XPO4: variants seen among roughly 807,000 people sequenced by gnomAD.
XPO4 encodes the protein exportin 4.
In XPO4, 39 loss-of-function variants were observed where a neutral mutation model predicts 143.0. The ratio of observed to expected loss-of-function variants is 0.27; its 90% confidence interval spans 0.21 to 0.36. The LOEUF (loss-of-function observed/expected upper bound fraction) is 0.36. Ranked by LOEUF, XPO4 falls within the 10% of genes least tolerant of loss-of-function variation. The probability of loss-of-function intolerance (pLI) is 1.00; values close to 1 mark genes in which losing one functional copy is unlikely to be tolerated. For synonymous variants in XPO4, 439 were observed against 474.0 expected (o/e 0.93, Z 0.96); for missense variants, 907 against 1,348.0 (o/e 0.67, Z 5.12).
At chr13:20,809,058 T>C in intron 11 of XPO4, 25 bp downstream of exon 11, 1 of 1,603,808 alleles carries the variant, frequency 6.2e-7, no homozygotes, top group Non-Finnish European at 8.5e-7. Flanking sequence ...ATTTGCTCCA[T>C]GGGGTTTCTT....
chr13:20,788,763 A>C, intron 19 of XPO4, 147 bp from the exon 20 acceptor site: 1 of 772,676 alleles, frequency 1.3e-6, no homozygotes, highest in Non-Finnish European at 1.9e-6. Flanking sequence ...TGAAGACCAA[A>C]TTAAATGTAA....
chr13:20,779,474 A>C lies in XPO4; in HGVS notation c.*4248T>G, dbSNP rs529605314. On this transcript the variant is annotated 3_prime_UTR_variant, in exon 23 of 23. Coordinates refer to ENST00000255305, the MANE Select transcript of XPO4 (RefSeq NM_022459.5). The stretch of plus-strand genomic sequence containing the variant: ...GGCCTAAGAATGCAGACGGGGAGAA[A>C]AAAAACCAAAACCAAAAAAAAAGAC... 1.6e-4 allele frequency: 25 copies of C among 152,396 alleles called. No individual in the cohort carries two copies. The highest frequency in any genetic ancestry group is 5.3e-4 in the African/African-American group (22 of 41,296). The allele number at this position is 152,396 out of a possible 1,614,324, so 9.4% of individuals were successfully genotyped here.
intron 1 of XPO4, among the ~76,000 whole-genome samples, chr13:20,891,996 C>G (rs1025672596): frequency 1.1e-4 from 16 of 151,634 alleles, no homozygotes; most frequent in Admixed American, 4.6e-4. Context: ...AGTCGAACAT[C>G]AAAACCACAA....
intron 13 of XPO4, among the ~76,000 whole-genome samples, chr13:20,806,539 CTTTTTTTTTTTTTTTTTTTTTTT>C (rs3056347): frequency 6.5e-5 from 4 of 61,596 alleles, no homozygotes; most frequent in African/African-American, 2.7e-4. Flanking sequence ...TTTCAGGACC[CTTTTTTTTTTTTTTTTTTTTTTT>C]TTTTTTTTTG....
chr13:20,777,902 A>C lies in XPO4; in HGVS notation c.*5820T>G, dbSNP rs751674115. ...GGGGTGCTGTATGGAATTTCCCAGC[A>C]AAAGATTCTTTCATTAGTTTCACCA... On this transcript the variant is annotated 3_prime_UTR_variant, in exon 23 of 23. Coordinates refer to ENST00000255305, the MANE Select transcript of XPO4 (RefSeq NM_022459.5). The C allele has an allele frequency of 3.3e-5, 5 of 152,220 alleles. No individual in the cohort carries two copies. Among genetic ancestry groups the C allele is most frequent in the Non-Finnish European group, 7.3e-5 (5 of 68,030 alleles). The allele number at this position is 152,220 out of a possible 1,614,324, so 9.4% of individuals were successfully genotyped here.
chr13:20,889,930 ACAAAG>A (rs1236503552), intron 1 of XPO4, among the ~76,000 whole-genome samples: 2 of 152,220 alleles, frequency 1.3e-5, no homozygotes, highest in Non-Finnish European at 2.9e-5. Context: ...ATTTATAACT[ACAAAG>A]CAAAGAATAT....
chr13:20,842,826 A>T, intron 6 of XPO4, 69 bp downstream of exon 6: 1 of 1,413,594 alleles, frequency 7.1e-7, no homozygotes, highest in Non-Finnish European at 9.6e-7. Context: ...GAGGTGAAAG[A>T]CTCCGAGCTG....
At position 20,863,201 on chromosome 13, in the gene XPO4, T is replaced by C. The variant is rs564483674; in HGVS notation, c.176-343A>G. On this transcript the variant is annotated intron_variant, in intron 2 of 22. Coordinates refer to ENST00000255305, the MANE Select transcript of XPO4 (RefSeq NM_022459.5). ...AGAAAATTTCCTAAGATTCTCACCC[T>C]GTGCAAAACAGAACTTTGTATCTGA... 2.5e-5 allele frequency: 20 copies of C among 785,254 alleles called. No individual in the cohort carries two copies. In the East Asian group the frequency reaches 9.5e-4, roughly 37 times the overall value. 48.6% of individuals were successfully genotyped at this position (785,254 alleles called of 1,614,324 possible).
At chr13:20,826,222 C>T (rs758275188) in intron 7 of XPO4, among the ~76,000 whole-genome samples, 1 of 152,150 alleles carries the variant, frequency 6.6e-6, no homozygotes, top group African/African-American at 2.4e-5. Flanking sequence ...AATGTGGGAA[C>T]ATACTGCTTA....
chr13:20,902,057 A>C (rs2060624961), intron 1 of XPO4: 5 of 984,190 alleles, frequency 5.1e-6, no homozygotes, highest in Non-Finnish European at 6.0e-6. Context: ...AAATCGCGGG[A>C]GCTTTAAGGA....
chr13:20,876,093 CAAAAAAAA>C (rs11301411), intron 1 of XPO4, among the ~76,000 whole-genome samples: 3 of 90,740 alleles, frequency 3.3e-5, no homozygotes, highest in Non-Finnish European at 6.5e-5. Flanking sequence ...CTACTAAATA[CAAAAAAAA>C]AAAAAAAAAA....
intron 3 of XPO4, among the ~76,000 whole-genome samples, chr13:20,856,035 T>C (rs2060139662): frequency 1.3e-5 from 2 of 152,138 alleles, no homozygotes; most frequent in Non-Finnish European, 1.5e-5. Context: ...CTAGTGTTAT[T>C]ATAAGGGTTA....
At chr13:20,837,689 TG>T (rs1351139574) in intron 6 of XPO4, among the ~76,000 whole-genome samples, 1 of 152,158 alleles carries the variant, frequency 6.6e-6, no homozygotes, top group Non-Finnish European at 1.5e-5. Context: ...TCCACGTGGC[TG>T]GGGACACACG....
Position 20,879,265 on chromosome 13 carries a change from A to T in XPO4, c.70-10564T>A, listed in dbSNP as rs369804367. On this transcript the variant is annotated intron_variant, in intron 1 of 22. Coordinates refer to ENST00000255305, the MANE Select transcript of XPO4 (RefSeq NM_022459.5). ...TCCTCAGCGCAAGGGTAAACTATTT[A>T]AAAAACAAACAAAACAAACCGGAAG... The T allele has an allele frequency of 8.2e-5, 81 of 985,406 alleles. No homozygotes were observed. The African/African-American group carries it at 1.1e-3, about 14-fold the overall frequency. 61.0% of individuals were successfully genotyped at this position (985,406 alleles called of 1,614,324 possible).
At chr13:20,801,128 A>C (rs1212583895) in intron 13 of XPO4, 138 bp from the exon 14 acceptor site, 2 of 936,602 alleles carry the variant, frequency 2.1e-6, no homozygotes, top group African/African-American at 3.4e-5. Context: ...TTTCATCTAC[A>C]GAGTTTTAGA....
In XPO4 at chr13:20,803,221, G is replaced by A. The variant is rs1206709677; in HGVS notation, c.1818-2231C>T. 6.6e-6 allele frequency among the ~76,000 whole-genome samples: 1 copy of A among 152,116 alleles called. No individual in the cohort carries two copies. The highest frequency in any genetic ancestry group is 1.5e-5 in the Non-Finnish European group (1 of 68,022). Reference sequence around the variant, plus strand: ...AATCATCTCTTGGTTGATGTGATTAGGTCCTCTTGTTATTTAATGCAAAGG... The same window carrying A: ...AATCATCTCTTGGTTGATGTGATTAAGTCCTCTTGTTATTTAATGCAAAGG... On this transcript the variant is annotated intron_variant, in intron 13 of 22. Coordinates refer to ENST00000255305, the MANE Select transcript of XPO4 (RefSeq NM_022459.5). This position sits in a 1 kb window ranked among gnomAD's most constrained non-coding sequence, Gnocchi z 4.1.
intron 6 of XPO4, among the ~76,000 whole-genome samples, chr13:20,837,225 G>A (rs763974831): frequency 1.3e-5 from 2 of 152,070 alleles, no homozygotes; most frequent in Non-Finnish European, 2.9e-5. Context: ...GTGCTTTGTA[G>A]GATGTTTAGG....
chr13:20,861,319 G>A (rs1431032093), intron 3 of XPO4, among the ~76,000 whole-genome samples: 1 of 128,812 alleles, frequency 7.8e-6, no homozygotes, highest in Non-Finnish European at 1.6e-5. Flanking sequence ...TTTTTGAGAT[G>A]GAGTCCCACT....
At chr13:20,799,049 G>T in intron 16 of XPO4, 116 bp downstream of exon 16, 4 of 980,540 alleles carry the variant, frequency 4.1e-6, no homozygotes, top group Non-Finnish European at 4.3e-6. Context: ...AAGAAAGAAA[G>T]AAAGAAAAGC....
Sources: allele counts gnomAD v4.1 joint callset (sites outside exome capture counted in the v4.1 genomes callset), GRCh38; gene constraint gnomAD v4.1.1; non-coding constraint Gnocchi (gnomAD v3.1); transcripts MANE v1.5; gene names NCBI Gene and HGNC (gene_info 2026-07-23, HGNC 2026-07-21).